SLC14A2: variants seen among roughly 807,000 people sequenced by gnomAD.
The protein encoded by SLC14A2 is urea transporter 2.
SLC14A2 carries 91 observed loss-of-function variants against 104.6 expected under a neutral mutation model. That is an observed-to-expected ratio of 0.87 (90% confidence interval 0.73 to 1.04). The LOEUF is 1.04. Among genes scored for constraint, SLC14A2 ranks in the 50% least tolerant of loss-of-function variants. The pLI is 0.00. For synonymous variants in SLC14A2, 476 were observed against 466.4 expected (o/e 1.02, Z -0.27); for missense variants, 1,189 against 1,156.0 (o/e 1.03, Z -0.41).
At chr18:45,402,554 G>A (rs926112637) in intron 1 of SLC14A2, among the ~76,000 whole-genome samples, 9 of 152,270 alleles carry the variant, frequency 5.9e-5, no homozygotes, top group East Asian at 3.9e-4. Context: ...TTTATCTGGC[G>A]AATGTCCCAG....
intron 2 of SLC14A2, among the ~76,000 whole-genome samples, chr18:45,497,257 C>A (rs2043113470): frequency 6.6e-6 from 1 of 152,178 alleles, no homozygotes; most frequent in South Asian, 2.1e-4. Flanking sequence ...CTCTTGCAAG[C>A]ATGAACCTGA....
chr18:45,323,798 T>C (rs1397162900), intron 1 of SLC14A2, among the ~76,000 whole-genome samples: 1 of 152,190 alleles, frequency 6.6e-6, no homozygotes, highest in Non-Finnish European at 1.5e-5. Flanking sequence ...GTATGTAGTC[T>C]CAGCCCTGCC....
intron 1 of SLC14A2, among the ~76,000 whole-genome samples, chr18:45,248,905 G>A (rs1210169492): frequency 6.6e-6 from 1 of 152,136 alleles, no homozygotes; most frequent in Non-Finnish European, 1.5e-5. Flanking sequence ...AAATCTGCGG[G>A]GTGGAGGGAA....
At chr18:45,275,640 G>T (rs1169169202) in intron 1 of SLC14A2, among the ~76,000 whole-genome samples, 1 of 152,200 alleles carries the variant, frequency 6.6e-6, no homozygotes, top group Non-Finnish European at 1.5e-5. Flanking sequence ...AATTGTGCAT[G>T]CTTATTTAAG....
intron 2 of SLC14A2, chr18:45,528,008 C>G (rs150946186): frequency 5.8e-4 from 89 of 152,172 alleles, no homozygotes; most frequent in African/African-American, 2.1e-3. Flanking sequence ...ATGTGTGTGC[C>G]CATAGGGCCA....
chr18:45,341,686 G>A (rs990486167), intron 1 of SLC14A2, among the ~76,000 whole-genome samples: 5 of 137,148 alleles, frequency 3.6e-5, no homozygotes, highest in South Asian at 4.5e-4. Flanking sequence ...TCTGCCTGCT[G>A]GGTTCAAGCA....
intron 1 of SLC14A2, among the ~76,000 whole-genome samples, chr18:45,315,916 A>G (rs2085124849): frequency 6.6e-6 from 1 of 152,224 alleles, no homozygotes; most frequent in African/African-American, 2.4e-5. Context: ...AGATGTTACC[A>G]CAGTGAGAAT....
intron 1 of SLC14A2, among the ~76,000 whole-genome samples, chr18:45,292,724 G>A (rs1043931839): frequency 9.9e-5 from 15 of 152,154 alleles, no homozygotes; most frequent in African/African-American, 3.1e-4. Flanking sequence ...GGCTACATTG[G>A]CGTATATATT....
At chr18:45,499,186 G>A (rs182030361) in intron 2 of SLC14A2, among the ~76,000 whole-genome samples, 40 of 152,294 alleles carry the variant, frequency 2.6e-4, no homozygotes, top group Non-Finnish European at 5.4e-4. Flanking sequence ...TTGAGACTCT[G>A]ATGGCAATGT....
intron 1 of SLC14A2, among the ~76,000 whole-genome samples, chr18:45,328,362 G>A (rs568079240): frequency 6.6e-6 from 1 of 152,144 alleles, no homozygotes; most frequent in Non-Finnish European, 1.5e-5. Context: ...CAACCACAGG[G>A]CCAGAGACAG....
intron 18 of SLC14A2, among the ~76,000 whole-genome samples, chr18:45,676,516 T>C (rs2046231793): frequency 6.6e-6 from 1 of 151,626 alleles, no homozygotes. Context: ...ACACGGGTGG[T>C]TTTCAACCAG....
chr18:45,301,242 G>A (rs1599656646), intron 1 of SLC14A2, among the ~76,000 whole-genome samples: 1 of 152,212 alleles, frequency 6.6e-6, no homozygotes, highest in African/African-American at 2.4e-5. Context: ...TCATGTAATG[G>A]ATTTAGTAGT....
chr18:45,585,067 T>G (rs2044547450), intron 2 of SLC14A2, among the ~76,000 whole-genome samples: 1 of 152,122 alleles, frequency 6.6e-6, no homozygotes, highest in Non-Finnish European at 1.5e-5. Flanking sequence ...TGACACCCTC[T>G]CCTAACACCT....
rs921006099 is a variant in SLC14A2 at position 45,673,174 on chromosome 18, A to T, written c.2377+127A>T. On this transcript the variant is annotated intron_variant, in intron 17 of 19. Coordinates refer to ENST00000255226, the MANE Select transcript of SLC14A2 (RefSeq NM_007163.4). ...TGTGAACTTTCCCTCCTTCTGTTGT[A>T]CCCTGTTTCTCCGTTTTTGATCTAG... The T allele has an allele frequency of 1.1e-4, 105 of 928,010 alleles. No homozygotes were observed. In the African/African-American group the frequency reaches 1.6e-3, roughly 15 times the overall value. The allele number at this position is 928,010 out of a possible 1,614,324, so 57.5% of individuals were successfully genotyped here. A position where few individuals can be genotyped will look rare whatever the true frequency, so the allele number is the denominator to read the frequency against.
At chr18:45,618,436 A>G (rs1185668023) in intron 1 of SLC14A2, among the ~76,000 whole-genome samples, 1 of 152,130 alleles carries the variant, frequency 6.6e-6, no homozygotes, top group East Asian at 1.9e-4. Context: ...TGGGAGGCCC[A>G]GGCCAGTGGA....
At chr18:45,261,652 T>C (rs182398868) in intron 1 of SLC14A2, among the ~76,000 whole-genome samples, 1 of 152,024 alleles carries the variant, frequency 6.6e-6, no homozygotes, top group East Asian at 2.0e-4. Flanking sequence ...AGTGAGAACA[T>C]GCGGTGTTTG....
intron 10 of SLC14A2, among the ~76,000 whole-genome samples, chr18:45,656,010 T>C (rs1234582030): frequency 6.6e-6 from 1 of 152,224 alleles, no homozygotes; most frequent in Non-Finnish European, 1.5e-5. Flanking sequence ...AGTTTCCTTC[T>C]GCCAATGCTC....
intron 1 of SLC14A2, among the ~76,000 whole-genome samples, chr18:45,441,355 C>T (rs939374199): frequency 5.9e-5 from 9 of 152,128 alleles, no homozygotes; most frequent in East Asian, 3.9e-4. Context: ...AAAATCCAAA[C>T]GGGCTGCCAT....
At chr18:45,431,892 CTGATTAGAACCCT>C (rs2086521357) in intron 1 of SLC14A2, among the ~76,000 whole-genome samples, 1 of 152,146 alleles carries the variant, frequency 6.6e-6, no homozygotes, top group Admixed American at 6.5e-5. Flanking sequence ...ACAAACTTCC[CTGATTAGAACCCT>C]TGGCCTTTGG....
Sources: gnomAD v4.1 joint callset for allele counts (sites outside exome capture counted in the v4.1 genomes callset) on GRCh38, gnomAD v4.1.1 for gene constraint, MANE v1.5 for transcripts, NCBI Gene and HGNC (gene_info 2026-07-23, HGNC 2026-07-21) for gene names.